The following GRM1 variants were observed in gnomAD, a reference collection of about 807,000 sequenced individuals.
GRM1 encodes glutamate metabotropic receptor 1, also known as metabotropic glutamate receptor 1.
In GRM1, 33 loss-of-function variants were observed where a neutral mutation model predicts 90.9. That is an observed-to-expected ratio of 0.36 (90% confidence interval 0.28 to 0.49). The LOEUF (loss-of-function observed/expected upper bound fraction) is 0.49, where lower values mean the gene tolerates loss of function less well. GRM1 is among the 20% of genes least tolerant of loss of function. GRM1 has a pLI of 0.99. For missense variants in GRM1, 1,190 were observed against 1,534.3 expected, an observed-to-expected ratio of 0.78 and a Z score of 3.75; for synonymous variants, 700 against 613.2, an observed-to-expected ratio of 1.14 and a Z score of -2.09.
At chr6:146,192,239 A>G (rs1256853224) in intron 2 of GRM1, among the ~76,000 whole-genome samples, 2 of 152,238 alleles carry the variant, frequency 1.3e-5, no homozygotes, top group Non-Finnish European at 2.9e-5. Context: ...CATAACAACT[A>G]TATGACAGTA....
intron 2 of GRM1, among the ~76,000 whole-genome samples, chr6:146,252,584 A>G (rs1781332078): frequency 6.6e-6 from 1 of 151,578 alleles, no homozygotes; most frequent in African/African-American, 2.4e-5. Context: ...ACTGCACTAC[A>G]GCCTGGGCGA....
rs1297687244 is a variant in GRM1, at chr6:146,434,517, G to T, written c.3306G>T (p.Arg1102Ser). Residue 1102 changes from arginine (R) to serine (S), a missense_variant, in exon 8 of 8, where the codon AGG becomes AGT. Transcript: ENST00000282753. ...PPADDDDDSE[R>S]FKLLQEYVYE... ...CGGACGACGACGACGACAGCGAGAGGTTTAAGCTCCTCCAGGAGTACGTGT... is the reference window on the plus strand; with the variant it reads ...CGGACGACGACGACGACAGCGAGAGTTTTAAGCTCCTCCAGGAGTACGTGT... 6.2e-7 allele frequency: 1 copy of T among 1,614,028 alleles called. No homozygotes were observed. Among genetic ancestry groups the T allele is most frequent in the Admixed American group, 1.7e-5 (1 of 60,008 alleles).
At chr6:146,367,944 G>A (rs1296612454) in intron 5 of GRM1, among the ~76,000 whole-genome samples, 2 of 151,548 alleles carry the variant, frequency 1.3e-5, no homozygotes, top group Non-Finnish European at 2.9e-5. Context: ...TAAATCTGTA[G>A]ATCACTTTGG....
intron 1 of GRM1, among the ~76,000 whole-genome samples, chr6:146,158,488 G>C (rs1400398241): frequency 6.6e-6 from 1 of 152,182 alleles, no homozygotes; most frequent in Non-Finnish European, 1.5e-5. Context: ...CCCTGGACAT[G>C]TGTGGGTTAC....
chr6:146,294,695 G>A (rs1301312455), intron 2 of GRM1, among the ~76,000 whole-genome samples: 6 of 152,000 alleles, frequency 3.9e-5, no homozygotes, highest in Admixed American at 3.3e-4. Flanking sequence ...AGAGGCGAGA[G>A]ATTTCTTTTT....
At chr6:146,401,950 G>T (rs1777173852) in intron 7 of GRM1, among the ~76,000 whole-genome samples, 1 of 152,160 alleles carries the variant, frequency 6.6e-6, no homozygotes, top group African/African-American at 2.4e-5. Flanking sequence ...TCCAGGCATT[G>T]CTGCAAGAGA....
intron 1 of GRM1, among the ~76,000 whole-genome samples, chr6:146,038,787 T>C (rs1790987038): frequency 6.6e-6 from 1 of 151,972 alleles, no homozygotes; most frequent in Non-Finnish European, 1.5e-5. Context: ...ACACATTTTA[T>C]AATTTGTTTG....
chr6:146,362,236 T>C (rs1775507365), intron 5 of GRM1, among the ~76,000 whole-genome samples: 1 of 152,188 alleles, frequency 6.6e-6, no homozygotes, highest in Non-Finnish European at 1.5e-5. Flanking sequence ...TCTGGAGATA[T>C]TAGGTGAATG....
chr6:146,376,171 C>A (rs1776091644), intron 5 of GRM1, among the ~76,000 whole-genome samples: 1 of 151,992 alleles, frequency 6.6e-6, no homozygotes, highest in South Asian at 2.1e-4. Context: ...AAACGATATG[C>A]CTTAACTTTG....
intron 1 of GRM1, among the ~76,000 whole-genome samples, chr6:146,117,579 ACTT>A (rs1284268669): frequency 6.6e-6 from 1 of 151,546 alleles, no homozygotes; most frequent in African/African-American, 2.4e-5. Context: ...TCATTTTATG[ACTT>A]CTTTTTTTTG....
chr6:146,434,004 G>A lies in GRM1; in HGVS notation c.2793G>A (p.Lys931=), dbSNP rs2942. Residue 931 remains lysine (K), a synonymous_variant, in exon 8 of 8, where the codon AAG becomes AAA. Transcript: ENST00000282753. ...ETACNQTAVI[K]PLTKSYQGSG... is the part of the protein sequence containing the mutation. ...CCTGCAACCAAACAGCCGTCATCAA[G>A]CCCCTCACTAAAAGTTACCAAGGCT... 835,450 of 1,613,152 alleles carry A rather than the reference G, an allele frequency of 0.52. 218,066 individuals are homozygous for A. Among genetic ancestry groups the A allele is most frequent in the South Asian group, 0.6 (54,578 of 91,052 alleles).
intron 2 of GRM1, among the ~76,000 whole-genome samples, chr6:146,174,977 T>TG (rs899029406): frequency 2.6e-5 from 4 of 151,914 alleles, no homozygotes; most frequent in African/African-American, 9.7e-5. Context: ...TTCCCTGAGG[T>TG]GGGGGGCGGA....
intron 7 of GRM1, among the ~76,000 whole-genome samples, chr6:146,424,435 A>G (rs1377686405): frequency 6.6e-6 from 1 of 152,192 alleles, no homozygotes; most frequent in Non-Finnish European, 1.5e-5. Flanking sequence ...GAGTCCGAAA[A>G]TCCCAAAGCC....
At chr6:146,366,506 C>T (rs1236213024) in intron 5 of GRM1, among the ~76,000 whole-genome samples, 1 of 152,126 alleles carries the variant, frequency 6.6e-6, no homozygotes, top group Non-Finnish European at 1.5e-5. Flanking sequence ...TCTCCTTTCC[C>T]CTTCCCAGCC....
At chr6:146,045,749 C>CAAAAAAAAAAAAAAAAAAAAA (rs58055832) in intron 1 of GRM1, among the ~76,000 whole-genome samples, 1 of 87,404 alleles carries the variant, frequency 1.1e-5, no homozygotes, top group African/African-American at 4.1e-5. Flanking sequence ...TGGAATACAG[C>CAAAAAAAAAAAAAAAAAAAAA]AAAAAAAAAA....
chr6:146,304,568 G>A, intron 2 of GRM1, 43 bp from the exon 3 acceptor site: 1 of 1,287,354 alleles, frequency 7.8e-7, no homozygotes, highest in Non-Finnish European at 1.1e-6. Flanking sequence ...TTTGTGAGAT[G>A]TTTGTCTTTC....
chr6:146,028,254 T>A (rs1401512239), upstream of GRM1, among the ~76,000 whole-genome samples: 6 of 150,070 alleles, frequency 4.0e-5, no homozygotes, highest in Non-Finnish European at 5.9e-5. Flanking sequence ...TGTGTGTGTG[T>A]GTGTGTGTGT....
At chr6:146,232,003 T>C (rs1294458183) in intron 2 of GRM1, among the ~76,000 whole-genome samples, 1 of 152,108 alleles carries the variant, frequency 6.6e-6, no homozygotes, top group Non-Finnish European at 1.5e-5. Flanking sequence ...TATTTCTTAA[T>C]TAAATGTTTG....
intron 2 of GRM1, among the ~76,000 whole-genome samples, chr6:146,273,743 A>G (rs977867499): frequency 5.9e-5 from 9 of 152,244 alleles, no homozygotes; most frequent in African/African-American, 2.2e-4. Context: ...GAGGCTGCTA[A>G]GAGGTACAAA....
Sources: allele counts gnomAD v4.1 joint callset (sites outside exome capture counted in the v4.1 genomes callset), GRCh38; gene constraint gnomAD v4.1.1; transcripts MANE v1.5; gene names NCBI Gene and HGNC (gene_info 2026-07-23, HGNC 2026-07-21).